Variants in FAM193A observed in about 807,000 individuals in gnomAD.
FAM193A encodes family with sequence similarity 193 member A.
A neutral mutation model predicts 126.5 loss-of-function variants in FAM193A; 22 were observed. The ratio of observed to expected loss-of-function variants is 0.17; its 90% CI spans 0.12 to 0.25. The LOEUF is 0.25. FAM193A is among the 10% of genes least tolerant of loss of function. The pLI is 1.00. For missense variants in FAM193A, 1,675 were observed against 1,672.8 expected (o/e 1.00, Z -0.02); for synonymous variants, 761 against 646.8 (o/e 1.18, Z -2.68).
chr4:2,570,198 A>G (rs755538794), intron 1 of FAM193A, among the ~76,000 whole-genome samples: 2 of 152,148 alleles, frequency 1.3e-5, no homozygotes, highest in African/African-American at 2.4e-5. Context: ...TCCACATGCC[A>G]TTAGTTAAAC....
At chr4:2,607,357 C>G (rs898677373) in intron 2 of FAM193A, among the ~76,000 whole-genome samples, 4 of 152,160 alleles carry the variant, frequency 2.6e-5, no homozygotes, top group African/African-American at 7.2e-5. Flanking sequence ...CACTCTTTTC[C>G]CCACCATTGT....
At chr4:2,573,139 A>T (rs1739388604) in intron 1 of FAM193A, among the ~76,000 whole-genome samples, 1 of 151,050 alleles carries the variant, frequency 6.6e-6, no homozygotes, top group Non-Finnish European at 1.5e-5. Context: ...CCTCACTCTT[A>T]CTCTTGTGTC....
chr4:2,648,986 C>G (rs1241072341), intron 7 of FAM193A, among the ~76,000 whole-genome samples: 1 of 152,222 alleles, frequency 6.6e-6, no homozygotes, highest in Non-Finnish European at 1.5e-5. Context: ...AGTCTTTTCC[C>G]TCCCTACCTG....
chr4:2,590,468 AAAAAAAAC>A lies in FAM193A; in HGVS notation c.256-5608_256-5601del, dbSNP rs1560464378. Among the ~76,000 whole-genome samples, 38 of 85,306 alleles carry A rather than the reference AAAAAAAAC, an allele frequency of 4.5e-4. 3 individuals are homozygous for A. Among genetic ancestry groups the A allele is most frequent in the African/African-American group, 2.8e-3 (36 of 12,962 alleles). The allele number at this position is 85,306 out of a possible 152,430, so 56.0% of individuals were successfully genotyped here. ...GACAGAGCGAGACTCCATCTCAAAA[AAAAAAAAC>A]AAAAAAAAACAAAAAAAAACAAAAA... is the stretch of plus-strand genomic sequence containing the variant. On this transcript the variant is annotated intron_variant, in intron 1 of 20. Coordinates refer to ENST00000637812, the MANE Select transcript of FAM193A (RefSeq NM_001366318.2).
At chr4:2,668,834 T>C (rs1331675427) in intron 12 of FAM193A, among the ~76,000 whole-genome samples, 4 of 145,722 alleles carry the variant, frequency 2.7e-5, no homozygotes, top group African/African-American at 1.1e-4. Context: ...CTTTTCCTTT[T>C]CTTTTCCTTT....
intron 1 of FAM193A, among the ~76,000 whole-genome samples, chr4:2,583,097 T>C (rs953063190): frequency 6.6e-6 from 1 of 152,212 alleles, no homozygotes; most frequent in Non-Finnish European, 1.5e-5. Context: ...GCCTCCAAAG[T>C]AGCTGCAGGC....
intron 1 of FAM193A, among the ~76,000 whole-genome samples, chr4:2,593,021 G>C (rs1357143364): frequency 4.6e-5 from 7 of 152,104 alleles, no homozygotes; most frequent in Non-Finnish European, 1.5e-5. Flanking sequence ...TTCTGATGCT[G>C]CCTTACAGAG....
At chr4:2,729,687 C>G (rs2109442810) in intron 20 of FAM193A, among the ~76,000 whole-genome samples, 1 of 152,314 alleles carries the variant, frequency 6.6e-6, no homozygotes, top group African/African-American at 2.4e-5. Context: ...AACAGGCTCG[C>G]TCAGCCTCTG....
At chr4:2,702,056 G>A (rs1300296951) in intron 19 of FAM193A, among the ~76,000 whole-genome samples, 1 of 152,196 alleles carries the variant, frequency 6.6e-6, no homozygotes, top group Non-Finnish European at 1.5e-5. Context: ...ACAGGCGTGA[G>A]CTGCCACCCC....
intron 13 of FAM193A, among the ~76,000 whole-genome samples, chr4:2,686,261 C>T (rs527364824): frequency 5.3e-5 from 8 of 152,124 alleles, no homozygotes; most frequent in Admixed American, 3.3e-4. Context: ...AAATCAAATG[C>T]GTAGAATCAT....
intron 5 of FAM193A, among the ~76,000 whole-genome samples, chr4:2,635,853 A>C (rs1744034483): frequency 6.6e-6 from 1 of 152,178 alleles, no homozygotes; most frequent in African/African-American, 2.4e-5. Context: ...ATTTCTTAAG[A>C]AGAGTGGGTC....
At chr4:2,604,135 G>A (rs1007476328) in intron 2 of FAM193A, among the ~76,000 whole-genome samples, 1 of 152,114 alleles carries the variant, frequency 6.6e-6, no homozygotes, top group South Asian at 2.1e-4. Context: ...GAGCCACCAC[G>A]GCCAGCCACT....
chr4:2,698,749 A>C (rs2109303370), intron 18 of FAM193A, among the ~76,000 whole-genome samples: 1 of 152,312 alleles, frequency 6.6e-6, no homozygotes, highest in East Asian at 1.9e-4. Context: ...CACAAAGAAC[A>C]GTTTCCATTT....
chr4:2,632,181 T>G (rs1320756336), intron 5 of FAM193A, among the ~76,000 whole-genome samples: 2 of 152,130 alleles, frequency 1.3e-5, no homozygotes, highest in Non-Finnish European at 2.9e-5. Flanking sequence ...TTGGGTGCTT[T>G]CTTAGTGGTA....
chr4:2,591,263 G>A (rs967871437), intron 1 of FAM193A, among the ~76,000 whole-genome samples: 12 of 152,088 alleles, frequency 7.9e-5, no homozygotes, highest in Non-Finnish European at 1.8e-4. Flanking sequence ...TGGTTGGGGC[G>A]GGAGTGTGGA....
intron 12 of FAM193A, among the ~76,000 whole-genome samples, chr4:2,667,290 C>T (rs1047080287): frequency 6.6e-6 from 1 of 152,150 alleles, no homozygotes; most frequent in Non-Finnish European, 1.5e-5. Flanking sequence ...TCCTTATCGC[C>T]TAATACCATC....
intron 13 of FAM193A, among the ~76,000 whole-genome samples, chr4:2,682,757 AG>A (rs544371200): frequency 2.8e-3 from 420 of 152,352 alleles, no homozygotes; most frequent in African/African-American, 7.7e-3. Context: ...AATGTAAAAA[AG>A]GTAACATTTA....
intron 2 of FAM193A, among the ~76,000 whole-genome samples, chr4:2,624,130 G>GAAAT (rs1181388559): frequency 9.9e-5 from 15 of 152,120 alleles, no homozygotes; most frequent in Non-Finnish European, 1.5e-5. Flanking sequence ...TGTTGTTGGT[G>GAAAT]AAATCCTTTT....
At chr4:2,711,286 C>G (rs188078645) in intron 19 of FAM193A, among the ~76,000 whole-genome samples, 45 of 152,104 alleles carry the variant, frequency 3.0e-4, no homozygotes, top group Admixed American at 2.0e-4. Context: ...TGATCTTTTT[C>G]TTAACAATAT....
Sources: gnomAD v4.1 joint callset for allele counts (sites outside exome capture counted in the v4.1 genomes callset) on GRCh38, gnomAD v4.1.1 for gene constraint, MANE v1.5 for transcripts, NCBI Gene and HGNC (gene_info 2026-07-23, HGNC 2026-07-21) for gene names.